ARHGDIB: variants seen among roughly 807,000 people sequenced by gnomAD.
The protein encoded by ARHGDIB is rho GDP-dissociation inhibitor 2.
ARHGDIB carries 20 observed loss-of-function variants against 22.6 expected under a neutral mutation model. The ratio of observed to expected loss-of-function variants is 0.88; its 90% CI spans 0.62 to 1.28. The LOEUF (loss-of-function observed/expected upper bound fraction) is 1.28. Ranked by LOEUF, ARHGDIB falls within the 50% of genes most tolerant of loss-of-function variation. ARHGDIB has a pLI of 0.00. For synonymous variants in ARHGDIB, 114 were observed against 96.1 expected, an observed-to-expected ratio of 1.19 and a Z score of -1.09; for missense variants, 254 against 245.4, an observed-to-expected ratio of 1.04 and a Z score of -0.23.
intron 1 of ARHGDIB, among the ~76,000 whole-genome samples, chr12:14,958,648 C>T (rs1280407878): frequency 1.3e-5 from 2 of 152,192 alleles, no homozygotes. Flanking sequence ...AAGCCATTGC[C>T]TTCAGTATCT....
At chr12:14,959,860 GA>G (rs1864376601) in intron 1 of ARHGDIB, among the ~76,000 whole-genome samples, 1 of 152,228 alleles carries the variant, frequency 6.6e-6, no homozygotes. Context: ...GATGGAGAAA[GA>G]ACTGTCTCTT....
At chr12:14,943,312 A>C (rs559064917) in intron 5 of ARHGDIB, among the ~76,000 whole-genome samples, 63 of 151,918 alleles carry the variant, frequency 4.1e-4, no homozygotes, top group African/African-American at 1.5e-3. Flanking sequence ...TTTTTAAAAA[A>C]CTACAAAGTT....
At chr12:14,953,823 C>T (rs3827888) in intron 1 of ARHGDIB, among the ~76,000 whole-genome samples, 36,121 of 146,004 alleles carry the variant, frequency 0.25, 4,476 homozygotes, top group Middle Eastern at 0.3. Context: ...TGCTTGCTCT[C>T]TCTCTCTCTC....
At chr12:14,945,861 G>C (rs541030922) in intron 4 of ARHGDIB, among the ~76,000 whole-genome samples, 99 of 152,248 alleles carry the variant, frequency 6.5e-4, no homozygotes, top group African/African-American at 2.3e-3. Flanking sequence ...AAAAAAATTA[G>C]CATCATCAAA....
chr12:14,949,326 C>T (rs766727959), intron 3 of ARHGDIB, among the ~76,000 whole-genome samples: 1 of 152,282 alleles, frequency 6.6e-6, no homozygotes, highest in East Asian at 1.9e-4. Flanking sequence ...GTTTATTTAA[C>T]AAGAATCAGA....
chr12:14,947,757 G>A lies in ARHGDIB; in HGVS notation c.342+116C>T, dbSNP rs893671325. On this transcript the variant is annotated intron_variant, in intron 4 of 5. Coordinates refer to ENST00000228945, the MANE Select transcript of ARHGDIB (RefSeq NM_001175.7). ...AAGAGGACATTCCAGACCCAGCTTGGGGGTACTAGGGGAGAAACAAACAAA... is the reference window on the plus strand; with the variant it reads ...AAGAGGACATTCCAGACCCAGCTTGAGGGTACTAGGGGAGAAACAAACAAA... 5.7e-5 allele frequency: 50 copies of A among 876,416 alleles called. 1 individual carries two copies. Among genetic ancestry groups the A allele is most frequent in the African/African-American group, 5.4e-4 (32 of 59,784 alleles). The allele number at this position is 876,416 out of a possible 1,614,324, so 54.3% of individuals were successfully genotyped here.
At chr12:14,946,268 A>C (rs1248746005) in intron 4 of ARHGDIB, among the ~76,000 whole-genome samples, 3 of 152,218 alleles carry the variant, frequency 2.0e-5, no homozygotes, top group Non-Finnish European at 2.9e-5. Flanking sequence ...GGCAGAAAAA[A>C]AGTTGGGAAG....
At chr12:14,944,886 A>G (rs780218076) in intron 4 of ARHGDIB, 47 bp from the exon 5 acceptor site, 3 of 1,542,382 alleles carry the variant, frequency 1.9e-6, no homozygotes, top group African/African-American at 1.4e-5. Flanking sequence ...AGGGTCTTTC[A>G]TTTTTTCTCA....
At chr12:14,951,272 GA>G in intron 1 of ARHGDIB, 1 of 152,986 alleles carries the variant, frequency 6.5e-6, no homozygotes, top group East Asian at 1.9e-4. Context: ...GACTCATGAC[GA>G]ACCGTTGACC....
intron 4 of ARHGDIB, chr12:14,947,606 G>A: frequency 5.2e-6 from 2 of 384,532 alleles, no homozygotes; most frequent in South Asian, 4.4e-5. Flanking sequence ...TGTGTGCCTC[G>A]AGGATGTGTT....
chr12:14,958,041 A>G (rs1864337277), intron 1 of ARHGDIB, among the ~76,000 whole-genome samples: 2 of 152,164 alleles, frequency 1.3e-5, no homozygotes, highest in Non-Finnish European at 2.9e-5. Flanking sequence ...CTTCCCCCAA[A>G]TCGGGCTGTG....
At chr12:14,951,011 G>A (rs920711010) in intron 1 of ARHGDIB, 2 of 212,750 alleles carry the variant, frequency 9.4e-6, no homozygotes, top group African/African-American at 4.6e-5. Flanking sequence ...CGTACTACGA[G>A]TGAAGCAACA....
chr12:14,945,290 C>T (rs1863986263), intron 4 of ARHGDIB, among the ~76,000 whole-genome samples: 1 of 152,124 alleles, frequency 6.6e-6, no homozygotes, highest in South Asian at 2.1e-4. Flanking sequence ...GATCCACTTA[C>T]CATATAAAAA....
intron 5 of ARHGDIB, among the ~76,000 whole-genome samples, chr12:14,944,443 G>A (rs1379250850): frequency 2.0e-5 from 3 of 151,224 alleles, no homozygotes; most frequent in Non-Finnish European, 4.4e-5. Flanking sequence ...CCTGTGAACT[G>A]CCTTTTTTGG....
rs747574555 is a variant in ARHGDIB, at chr12:14,947,941, C to T, written c.274G>A (p.Glu92Lys). The T allele has an allele frequency of 5.6e-6, 9 of 1,610,488 alleles. No individual in the cohort carries two copies. The South Asian group carries it at 9.9e-5, about 18-fold the overall frequency. The stretch of plus-strand genomic sequence containing the variant: ...ACAATGGTTTCCTTTTTGAGGGCTT[C>T]CAGATCTCCTGTAGAAGAAGATTTA... The part of the protein sequence containing the change: ...PITMDLTGDL[E>K]ALKKETIVLK... The change falls in exon 4 of 6, where the codon GAA (glutamate) becomes AAA (lysine). Residue 92 changes from glutamate (E) to lysine (K), a missense_variant. Coordinates refer to ENST00000228945, the MANE Select transcript of ARHGDIB (RefSeq NM_001175.7).
At chr12:14,949,317 T>A (rs1275793128) in intron 3 of ARHGDIB, among the ~76,000 whole-genome samples, 1 of 152,224 alleles carries the variant, frequency 6.6e-6, no homozygotes, top group Non-Finnish European at 1.5e-5. Flanking sequence ...GGAGACGTTG[T>A]TTATTTAACA....
At chr12:14,949,939 T>C (rs768312411) in intron 2 of ARHGDIB, 54 bp from the exon 3 acceptor site, 1 of 1,461,368 alleles carries the variant, frequency 6.8e-7, no homozygotes. Context: ...GTATAGTGGG[T>C]GTGTGCATTT....
chr12:14,951,058 C>T (rs1864165088), intron 1 of ARHGDIB: 1 of 170,834 alleles, frequency 5.9e-6, no homozygotes. Context: ...AGCAAAAGCC[C>T]AGTCAAAAAG....
At chr12:14,944,936 A>G (rs1283739742) in intron 4 of ARHGDIB, 97 bp from the exon 5 acceptor site, 5 of 1,013,034 alleles carry the variant, frequency 4.9e-6, no homozygotes, top group Middle Eastern at 4.3e-4. Context: ...CGTCTCTGAC[A>G]ATGAAAAAAC....
Sources: allele counts gnomAD v4.1 joint callset (sites outside exome capture counted in the v4.1 genomes callset), GRCh38; gene constraint gnomAD v4.1.1; transcripts MANE v1.5; gene names NCBI Gene and HGNC (gene_info 2026-07-23, HGNC 2026-07-21).